The following PRH1 variants were observed in gnomAD, a reference collection of about 807,000 sequenced individuals.
PRH1 encodes the protein salivary acidic proline-rich phosphoprotein 1/2.
PRH1 carries 7 observed loss-of-function variants against 7.9 expected under a neutral mutation model. The ratio of observed to expected loss-of-function variants is 0.89; its 90% CI spans 0.50 to 1.67. The LOEUF (loss-of-function observed/expected upper bound fraction) is 1.67, where lower values mean the gene tolerates loss of function less well. PRH1 is among the 40% of genes most tolerant of loss of function. PRH1 has a pLI of 0.00. For missense variants in PRH1, 109 were observed against 223.6 expected (o/e 0.49, Z 3.27); for synonymous variants, 45 against 80.8 (o/e 0.56, Z 2.38).
At chr12:11,038,793 G>A (rs576530638) in intron 1 of PRH1, among the ~76,000 whole-genome samples, 39 of 106,540 alleles carry the variant, frequency 3.7e-4, no homozygotes, top group Middle Eastern at 6.4e-3. Flanking sequence ...TGGGTCTTAG[G>A]ATGTGATCCT....
intron 2 of PRH1, among the ~76,000 whole-genome samples, chr12:10,916,141 G>A (rs1949968953): frequency 1.3e-5 from 2 of 152,198 alleles, no homozygotes; most frequent in Non-Finnish European, 2.9e-5. Context: ...ACAAGAGAGA[G>A]TTTGCAAGGC....
intron 1 of PRH1, among the ~76,000 whole-genome samples, chr12:10,974,108 A>G (rs1010429364): frequency 2.0e-5 from 3 of 152,262 alleles, no homozygotes; most frequent in Non-Finnish European, 4.4e-5. Flanking sequence ...AACAACATTT[A>G]TTATCAGCTA....
At chr12:10,998,594 T>C (rs1340578777) in intron 1 of PRH1, among the ~76,000 whole-genome samples, 1 of 152,150 alleles carries the variant, frequency 6.6e-6, no homozygotes, top group Non-Finnish European at 1.5e-5. Context: ...TTCTTGTAAC[T>C]TATGACATGG....
intron 1 of PRH1, among the ~76,000 whole-genome samples, chr12:11,144,055 T>C (rs1946793077): frequency 2.0e-5 from 3 of 152,180 alleles, no homozygotes; most frequent in African/African-American, 7.2e-5. Context: ...TCTATTTTTG[T>C]GCTGGTTGGC....
intron 1 of PRH1, among the ~76,000 whole-genome samples, chr12:11,158,128 G>C (rs777530538): frequency 1.9e-4 from 29 of 152,022 alleles, no homozygotes; most frequent in Admixed American, 5.2e-4. Flanking sequence ...TCAAACAACA[G>C]TGCTGGGTTT....
intron 1 of PRH1, among the ~76,000 whole-genome samples, chr12:11,143,867 T>C (rs983469841): frequency 1.3e-5 from 2 of 152,204 alleles, no homozygotes; most frequent in African/African-American, 2.4e-5. Flanking sequence ...TAGATGGAGA[T>C]GACAACTTAT....
chr12:11,156,296 T>C (rs1266360898), intron 1 of PRH1, among the ~76,000 whole-genome samples: 1 of 152,222 alleles, frequency 6.6e-6, no homozygotes, highest in Non-Finnish European at 1.5e-5. Flanking sequence ...TTTTCAAATT[T>C]TCTATTGGTC....
intron 2 of PRH1, among the ~76,000 whole-genome samples, chr12:10,967,685 A>C (rs1938576463): frequency 6.6e-6 from 1 of 152,198 alleles, no homozygotes. Context: ...CCAAACCACA[A>C]ACTCTCCTTA....
intron 2 of PRH1, among the ~76,000 whole-genome samples, chr12:10,906,065 C>T (rs927183901): frequency 3.9e-5 from 6 of 152,160 alleles, no homozygotes; most frequent in Admixed American, 3.9e-4. Flanking sequence ...CTACTCCTCT[C>T]ACTTACCTAA....
intron 1 of PRH1, among the ~76,000 whole-genome samples, chr12:11,034,187 T>C (rs1407599565): frequency 2.8e-5 from 1 of 36,096 alleles, no homozygotes; most frequent in African/African-American, 9.2e-5. Flanking sequence ...AGTCACATAG[T>C]TGCAAGCACA....
At chr12:11,134,283 T>C (rs1202805976) in intron 1 of PRH1, 40 of 1,547,228 alleles carry the variant, frequency 2.6e-5, no homozygotes, top group Non-Finnish European at 3.4e-5. Flanking sequence ...AATGCTGGTG[T>C]AATATCACTG....
chr12:10,957,083 G>GA (rs369633787), intron 2 of PRH1, among the ~76,000 whole-genome samples: 1,538 of 139,152 alleles, frequency 0.011, 19 homozygotes, highest in African/African-American at 0.036. Flanking sequence ...CACTGGGAAT[G>GA]AAAAAAAAAA....
intron 2 of PRH1, among the ~76,000 whole-genome samples, chr12:10,945,811 G>T (rs891864420): frequency 6.6e-6 from 1 of 152,108 alleles, no homozygotes; most frequent in Non-Finnish European, 1.5e-5. Flanking sequence ...TCCCCAAAGC[G>T]GCCATTTCAG....
chr12:11,104,569 TATGCC>T (rs1399680676), intron 1 of PRH1, among the ~76,000 whole-genome samples: 1 of 151,624 alleles, frequency 6.6e-6, no homozygotes, highest in Non-Finnish European at 1.5e-5. Flanking sequence ...ACTGTATAAG[TATGCC>T]ACAATTTCTT....
intron 1 of PRH1, among the ~76,000 whole-genome samples, chr12:11,147,556 G>A (rs995025146): frequency 5.6e-4 from 85 of 152,188 alleles, no homozygotes; most frequent in African/African-American, 1.8e-3. Flanking sequence ...TTGGTAAATC[G>A]ATGTTATATG....
chr12:11,019,859 T>G (rs1302742729), intron 1 of PRH1, among the ~76,000 whole-genome samples: 1 of 152,302 alleles, frequency 6.6e-6, no homozygotes, highest in African/African-American at 2.4e-5. Flanking sequence ...GGAAGTTCCC[T>G]AACATTCTTG....
At chr12:11,071,593 A>T (rs1944072009) in intron 1 of PRH1, among the ~76,000 whole-genome samples, 2 of 152,120 alleles carry the variant, frequency 1.3e-5, no homozygotes, top group Admixed American at 1.3e-4. Context: ...CTCCTGGGGG[A>T]AGGTGACAGA....
chr12:11,108,542 G>A (rs950672639), intron 1 of PRH1, among the ~76,000 whole-genome samples: 29 of 152,302 alleles, frequency 1.9e-4, no homozygotes, highest in Admixed American at 6.5e-4. Flanking sequence ...GTGTGGTGTT[G>A]CCTCACCCGG....
At chr12:11,015,683 T>A (rs1240006372) in intron 1 of PRH1, among the ~76,000 whole-genome samples, 1 of 152,194 alleles carries the variant, frequency 6.6e-6, no homozygotes, top group African/African-American at 2.4e-5. Context: ...TTGGGTTTTT[T>A]AGATACACAG....
Sources: gnomAD v4.1 joint callset for allele counts (sites outside exome capture counted in the v4.1 genomes callset) on GRCh38, gnomAD v4.1.1 for gene constraint, MANE v1.5 for transcripts, NCBI Gene and HGNC (gene_info 2026-07-23, HGNC 2026-07-21) for gene names.